The following PTPRT variants were observed in gnomAD, a reference collection of about 807,000 sequenced individuals.
PTPRT encodes the protein protein tyrosine phosphatase receptor type T.
A neutral mutation model predicts 176.8 loss-of-function variants in PTPRT; 56 were observed. The observed-to-expected ratio is 0.32, with a 90% CI of 0.26 to 0.40. The LOEUF (loss-of-function observed/expected upper bound fraction) is 0.40. Among genes scored for constraint, PTPRT ranks in the 10% least tolerant of loss-of-function variants. The pLI is 1.00. For synonymous variants in PTPRT, 783 were observed against 739.0 expected, an observed-to-expected ratio of 1.06 and a Z score of -0.96; for missense variants, 1,540 against 1,908.2, an observed-to-expected ratio of 0.81 and a Z score of 3.60.
intron 1 of PTPRT, among the ~76,000 whole-genome samples, chr20:43,094,262 T>G (rs527614411): frequency 2.7e-5 from 4 of 150,502 alleles, no homozygotes; most frequent in Non-Finnish European, 5.9e-5. Flanking sequence ...TAATTTTTGT[T>G]TTTTTAGTAG....
rs373413792 is a variant in PTPRT at position 42,620,931 on chromosome 20, G to A, written c.1153+56935C>T. Among the ~76,000 whole-genome samples the A allele has an allele frequency of 5.3e-5, 8 of 152,308 alleles. No individual in the cohort carries two copies. The South Asian group carries it at 6.2e-4, about 12-fold the overall frequency. On this transcript the variant is annotated intron_variant, in intron 7 of 30. Transcript: ENST00000373187. ...TCGCTCACGCTGGGAGCTGTAGACC[G>A]GAGGTGTTCCTATTCGGCCATCTTG...
At position 43,034,544 on chromosome 20, in the gene PTPRT, TA is replaced by T. The variant is rs34588364; in HGVS notation, c.89-148613del. Among the ~76,000 whole-genome samples the T allele has an allele frequency of 2.6e-3, 375 of 142,798 alleles. 2 individuals carry two copies. The highest frequency in any genetic ancestry group is 0.013 in the East Asian group (64 of 4,834). The allele number at this position is 142,798 out of a possible 152,430, so 93.7% of individuals were successfully genotyped here. A position where few individuals can be genotyped will look rare whatever the true frequency, so the allele number is the denominator to read the frequency against. On this transcript the variant is annotated intron_variant, in intron 1 of 30. Transcript: ENST00000373187. ...GCTGAGAGATGATGTCTTCACTAAT[TA>T]AAAAAAAAAAAATTAAACAGCCTCA... is the stretch of plus-strand genomic sequence containing the variant.
chr20:42,894,527 A>T (rs1390210862), intron 1 of PTPRT, among the ~76,000 whole-genome samples: 4 of 145,706 alleles, frequency 2.7e-5, no homozygotes, highest in Non-Finnish European at 6.0e-5. Context: ...TAGAAAGGTT[A>T]AAAAAAAAAA....
intron 15 of PTPRT, among the ~76,000 whole-genome samples, chr20:42,213,595 G>A (rs1267436070): frequency 6.6e-6 from 1 of 152,178 alleles, no homozygotes; most frequent in Non-Finnish European, 1.5e-5. Context: ...GTTAAAATGA[G>A]GTCACTAGGG....
At position 42,348,584 on chromosome 20, in the gene PTPRT, A is replaced by G. The variant is rs111383782; in HGVS notation, c.1865+2044T>C. On this transcript the variant is annotated intron_variant, in intron 11 of 30. Coordinates refer to ENST00000373187, the MANE Select transcript of PTPRT (RefSeq NM_007050.6). ...AGCTTCTGTTTGTCTCAATTTCTAT[A>G]TTTGCAAAATGAGGAGACTATTATA... is the stretch of plus-strand genomic sequence containing the variant. Among the ~76,000 whole-genome samples, 1,186 of 152,140 alleles carry G rather than the reference A, an allele frequency of 7.8e-3. 7 individuals are homozygous for G. Among genetic ancestry groups the G allele is most frequent in the African/African-American group, 0.026 (1,095 of 41,480 alleles).
At chr20:42,439,176 T>C (rs1474982666) in intron 9 of PTPRT, among the ~76,000 whole-genome samples, 1 of 152,182 alleles carries the variant, frequency 6.6e-6, no homozygotes, top group Non-Finnish European at 1.5e-5. Flanking sequence ...AGCTGTGGAC[T>C]AGAACAAATG....
chr20:42,968,065 G>A lies in PTPRT; in HGVS notation c.89-82133C>T, dbSNP rs141433519. On this transcript the variant is annotated intron_variant, in intron 1 of 30. Coordinates refer to ENST00000373187, the MANE Select transcript of PTPRT (RefSeq NM_007050.6). ...AGAAGTGACCTCCACATTCAGCCCC[G>A]ATTATGGAAGGCTGTCACAGGCTAT... 3.0e-3 allele frequency among the ~76,000 whole-genome samples: 463 copies of A among 152,192 alleles called. 3 individuals carry two copies. Among genetic ancestry groups the A allele is most frequent in the Non-Finnish European group, 4.0e-3 (271 of 68,014 alleles).
At chr20:42,951,963 C>G (rs1981279673) in intron 1 of PTPRT, among the ~76,000 whole-genome samples, 2 of 152,154 alleles carry the variant, frequency 1.3e-5, no homozygotes, top group African/African-American at 4.8e-5. Flanking sequence ...GTTTTTAACA[C>G]CAAAAGCCTC....
intron 9 of PTPRT, among the ~76,000 whole-genome samples, chr20:42,404,849 T>C (rs1239340429): frequency 3.3e-5 from 5 of 151,556 alleles, no homozygotes; most frequent in South Asian, 4.2e-4. Context: ...GCCAAAGATA[T>C]AAAACAAAAT....
intron 1 of PTPRT, among the ~76,000 whole-genome samples, chr20:43,081,688 A>G (rs752970636): frequency 4.3e-4 from 66 of 152,164 alleles, no homozygotes; most frequent in Non-Finnish European, 8.2e-4. Context: ...TCTTAGTCCA[A>G]GACTGACTTT....
chr20:42,547,884 T>C (rs1341967835), intron 7 of PTPRT, among the ~76,000 whole-genome samples: 4 of 152,056 alleles, frequency 2.6e-5, no homozygotes, highest in East Asian at 3.8e-4. Context: ...GGTAGCTAGA[T>C]ATAATATCAA....
At chr20:42,360,093 T>C (rs779135483) in intron 9 of PTPRT, among the ~76,000 whole-genome samples, 3 of 152,208 alleles carry the variant, frequency 2.0e-5, no homozygotes, top group Non-Finnish European at 2.9e-5. Context: ...TCCTTAGTAT[T>C]CACCATCCAT....
chr20:42,142,045 A>C, intron 17 of PTPRT, 43 bp from the exon 18 acceptor site: 4 of 1,546,054 alleles, frequency 2.6e-6, no homozygotes, highest in Non-Finnish European at 3.6e-6. Context: ...CTGAGATAGG[A>C]GCTTTATGGA....
intron 27 of PTPRT, among the ~76,000 whole-genome samples, chr20:42,090,189 A>G (rs1478210074): frequency 6.6e-6 from 1 of 152,094 alleles, no homozygotes; most frequent in African/African-American, 2.4e-5. Flanking sequence ...AGCTGTGATT[A>G]TTAGGCAGTA....
intron 1 of PTPRT, among the ~76,000 whole-genome samples, chr20:43,045,454 C>CTT (rs1177406632): frequency 8.4e-6 from 1 of 119,336 alleles, no homozygotes; most frequent in Admixed American, 8.8e-5. Flanking sequence ...TTCTTTTTTT[C>CTT]ATTTTTTTTT....
chr20:43,159,651 A>T (rs2014632738), intron 1 of PTPRT, among the ~76,000 whole-genome samples: 1 of 152,182 alleles, frequency 6.6e-6, no homozygotes, highest in African/African-American at 2.4e-5. Context: ...TCAGAAGGGC[A>T]CTTTGTGTTT....
intron 7 of PTPRT, among the ~76,000 whole-genome samples, chr20:42,503,242 CT>C (rs3091700): frequency 0.074 from 11,279 of 151,618 alleles, 480 homozygotes; most frequent in Middle Eastern, 0.11. Context: ...ATCTATTGTT[CT>C]TTTTTACCGT....
intron 1 of PTPRT, among the ~76,000 whole-genome samples, chr20:43,170,884 A>G (rs2014980367): frequency 6.6e-6 from 1 of 152,244 alleles, no homozygotes; most frequent in South Asian, 2.1e-4. Flanking sequence ...AATATAGTCA[A>G]TCTTCACAAT....
At chr20:42,648,675 T>C (rs1359711505) in intron 7 of PTPRT, among the ~76,000 whole-genome samples, 1 of 152,062 alleles carries the variant, frequency 6.6e-6, no homozygotes, top group Non-Finnish European at 1.5e-5. Context: ...GAAGGCTATG[T>C]AAATCATGCT....
Sources: allele counts gnomAD v4.1 joint callset (sites outside exome capture counted in the v4.1 genomes callset), GRCh38; gene constraint gnomAD v4.1.1; transcripts MANE v1.5; gene names NCBI Gene and HGNC (gene_info 2026-07-23, HGNC 2026-07-21).